The following NAB1 variants were observed in gnomAD, a reference collection of about 807,000 sequenced individuals.
NAB1 encodes the protein NGFI-A binding protein 1.
NAB1 carries 25 observed loss-of-function variants against 49.9 expected under a neutral mutation model. The ratio of observed to expected loss-of-function variants is 0.50; its 90% CI spans 0.37 to 0.70. NAB1 has a LOEUF of 0.70. Ranked by LOEUF, NAB1 falls within the 30% of genes least tolerant of loss-of-function variation. The pLI is 0.00. For missense variants in NAB1, 489 were observed against 575.9 expected, an observed-to-expected ratio of 0.85 and a Z score of 1.54; for synonymous variants, 198 against 215.6, an observed-to-expected ratio of 0.92 and a Z score of 0.71.
rs376522513 is a variant in NAB1 at position 190,685,607 on chromosome 2, C to T, written c.1227C>T (p.Asn409=). Residue 409 remains asparagine, a synonymous_variant, in exon 8 of 10, where the codon AAC becomes AAT. Coordinates refer to ENST00000337386, the MANE Select transcript of NAB1 (RefSeq NM_005966.4). The surrounding 1 kb of genome is among the most constrained non-coding windows in gnomAD (Gnocchi z 4.5). ...YRQSSEEHSP[N]GLTSDNSDGQ... ...AGAGCTCAGAAGAGCACAGTCCTAA[C>T]GGCTTGACTTCCGATAACTCAGATG... is the stretch of plus-strand genomic sequence containing the variant. The T allele has an allele frequency of 6.6e-5, 106 of 1,611,144 alleles. No individual in the cohort carries two copies. Among genetic ancestry groups the T allele is most frequent in the South Asian group, 5.9e-4 (53 of 90,470 alleles).
Position 190,689,400 on chromosome 2 carries a change from G to A in NAB1, c.1376-845G>A, listed in dbSNP as rs1415673192. Among the ~76,000 whole-genome samples, 3 of 152,052 alleles carry A rather than the reference G, an allele frequency of 2.0e-5. No homozygotes were observed. The highest frequency in any genetic ancestry group is 4.4e-5 in the Non-Finnish European group (3 of 68,012). On this transcript the variant is annotated intron_variant, in intron 9 of 9. Coordinates refer to ENST00000337386, the MANE Select transcript of NAB1 (RefSeq NM_005966.4). The surrounding 1 kb of genome is among the most constrained non-coding windows in gnomAD (Gnocchi z 4.3). ...AGCTACTTTTTTTTACTACTCTTAC[G>A]CGGAACTTAAAATCCCCTTCTGTTT...
At chr2:190,655,915 G>A (rs960319394) in intron 2 of NAB1, 62 bp from the exon 3 acceptor site, 2 of 152,216 alleles carry the variant, frequency 1.3e-5, no homozygotes, top group African/African-American at 2.4e-5. Flanking sequence ...ACAACAAATG[G>A]TCTTAAATTA....
Position 190,666,200 on chromosome 2 carries a change from G to A in NAB1, c.820-4126G>A, listed in dbSNP as rs1694508585. Among the ~76,000 whole-genome samples the A allele has an allele frequency of 6.6e-6, 1 of 152,070 alleles. No homozygotes were observed. Among genetic ancestry groups the A allele is most frequent in the South Asian group, 2.1e-4 (1 of 4,822 alleles). ...ACCTAGCCCTCCCAGTGCTGGAAAT[G>A]AAAGTCCTGATTGCCTTTTGAGCCT... is the stretch of plus-strand genomic sequence containing the variant. On this transcript the variant is annotated intron_variant, in intron 4 of 9. Coordinates refer to ENST00000337386, the MANE Select transcript of NAB1 (RefSeq NM_005966.4). The surrounding 1 kb of genome is among the most constrained non-coding windows in gnomAD (Gnocchi z 5.6).
In NAB1 at chr2:190,666,952, T is replaced by C. The variant is rs1328435334; in HGVS notation, c.820-3374T>C. ...TATTTTCATTTTTCTTTTGTAATTA[T>C]ATCATGATAGTTATTGATGTGTTCA... On this transcript the variant is annotated intron_variant, in intron 4 of 9. Coordinates refer to ENST00000337386, the MANE Select transcript of NAB1 (RefSeq NM_005966.4). The surrounding 1 kb of genome is among the most constrained non-coding windows in gnomAD (Gnocchi z 5.6). Among the ~76,000 whole-genome samples the C allele has an allele frequency of 6.6e-6, 1 of 152,202 alleles. No homozygotes were observed. Among genetic ancestry groups the C allele is most frequent in the Non-Finnish European group, 1.5e-5 (1 of 68,022 alleles).
chr2:190,683,939 G>T, intron 7 of NAB1, 112 bp downstream of exon 7: 1 of 834,308 alleles, frequency 1.2e-6, no homozygotes. Context: ...TTTTATTTCC[G>T]TTTGTTTTTT....
At chr2:190,688,232 TGTA>T (rs1194494875) in intron 9 of NAB1, among the ~76,000 whole-genome samples, 2 of 152,174 alleles carry the variant, frequency 1.3e-5, no homozygotes, top group African/African-American at 4.8e-5. Flanking sequence ...CAGCGGGAAA[TGTA>T]GTTTTACAAG....
At chr2:190,690,155 T>G in intron 9 of NAB1, 90 bp from the exon 10 acceptor site, 2 of 912,710 alleles carry the variant, frequency 2.2e-6, no homozygotes, top group Admixed American at 1.9e-5. Context: ...CTATTTGATA[T>G]GGAGTTTGGG....
intron 5 of NAB1, 151 bp from the exon 6 acceptor site, chr2:190,672,950 A>C: frequency 1.5e-6 from 1 of 686,916 alleles, no homozygotes. Flanking sequence ...TCTTTTCTTC[A>C]TTATTTTAAT....
chr2:190,672,367 G>C (rs1694855300), intron 5 of NAB1, among the ~76,000 whole-genome samples: 1 of 152,078 alleles, frequency 6.6e-6, no homozygotes, highest in African/African-American at 2.4e-5. Context: ...ACTTGTAGTT[G>C]ATGGCTTGTC....
At position 190,678,447 on chromosome 2, in the gene NAB1, T is replaced by A. The variant is rs1695176448; in HGVS notation, c.1006-5291T>A. Among the ~76,000 whole-genome samples the A allele has an allele frequency of 6.6e-6, 1 of 152,214 alleles. No homozygotes were observed. The highest frequency in any genetic ancestry group is 2.1e-4 in the South Asian group (1 of 4,832). On this transcript the variant is annotated intron_variant, in intron 6 of 9. Transcript: ENST00000337386. This position sits in a 1 kb window ranked among gnomAD's most constrained non-coding sequence, Gnocchi z 4.9. ...GACCTGGTGATGGCAGCTGACTAACTGGACTGAGTGCTATTTCTCATTTGA... is the reference window on the plus strand; with the variant it reads ...GACCTGGTGATGGCAGCTGACTAACAGGACTGAGTGCTATTTCTCATTTGA...
intron 6 of NAB1, among the ~76,000 whole-genome samples, chr2:190,683,425 C>T (rs764361577): frequency 8.7e-5 from 13 of 149,108 alleles, no homozygotes; most frequent in Non-Finnish European, 1.8e-4. Flanking sequence ...GGATTACAGG[C>T]GTGAGCCACT....
rs920581951 is a variant in NAB1 at position 190,686,681 on chromosome 2, G to A, written c.1259-520G>A. Among the ~76,000 whole-genome samples the A allele has an allele frequency of 1.2e-4, 19 of 152,156 alleles. No individual in the cohort carries two copies. The highest frequency in any genetic ancestry group is 4.3e-4 in the African/African-American group (18 of 41,436). On this transcript the variant is annotated intron_variant, in intron 8 of 9. Coordinates refer to ENST00000337386, the MANE Select transcript of NAB1 (RefSeq NM_005966.4). This position sits in a 1 kb window ranked among gnomAD's most constrained non-coding sequence, Gnocchi z 5.5. ...TTGTGACACCAGGATAATTCAGTGTGGGGTGACAATTTGCTAATGTGATGG... is the reference window on the plus strand; with the variant it reads ...TTGTGACACCAGGATAATTCAGTGTAGGGTGACAATTTGCTAATGTGATGG...
At position 190,685,642 on chromosome 2, in the gene NAB1, C is replaced by G; in HGVS notation, c.1258+4C>G. On this transcript the variant is annotated splice_donor_region_variant and intron_variant, in intron 8 of 9. Coordinates refer to ENST00000337386, the MANE Select transcript of NAB1 (RefSeq NM_005966.4). The surrounding 1 kb of genome is among the most constrained non-coding windows in gnomAD (Gnocchi z 4.5). ...TCCGATAACTCAGATGGACAAGGTA[C>G]ATCTTTAGAATATCCTATGCCTTTA... 6.3e-7 allele frequency: 1 copy of G among 1,598,876 alleles called. No individual in the cohort carries two copies. Among genetic ancestry groups the G allele is most frequent in the Non-Finnish European group, 8.5e-7 (1 of 1,173,062 alleles).
intron 6 of NAB1, among the ~76,000 whole-genome samples, chr2:190,683,435 T>C (rs557222026): frequency 6.6e-6 from 1 of 150,478 alleles, no homozygotes; most frequent in East Asian, 2.0e-4. Flanking sequence ...CGTGAGCCAC[T>C]GCACCCAGCC....
In NAB1 at chr2:190,684,554, T is replaced by C. The variant is rs1238784257; in HGVS notation, c.1095+727T>C. The stretch of plus-strand genomic sequence containing the variant: ...GAAGTTGTAGTTACTTTTGATTTGG[T>C]TTATATGCACTCAGAAAAATAGTGT... On this transcript the variant is annotated intron_variant, in intron 7 of 9. Transcript: ENST00000337386. The surrounding 1 kb of genome is among the most constrained non-coding windows in gnomAD (Gnocchi z 4.6). Among the ~76,000 whole-genome samples, 1 of 152,210 alleles carries C rather than the reference T, an allele frequency of 6.6e-6. No homozygotes were observed. The highest frequency in any genetic ancestry group is 1.9e-4 in the East Asian group (1 of 5,206).
rs531975289 is a variant in NAB1, at chr2:190,676,531, C to A, written c.1005+3379C>A. On this transcript the variant is annotated intron_variant, in intron 6 of 9. Coordinates refer to ENST00000337386, the MANE Select transcript of NAB1 (RefSeq NM_005966.4). This position sits in a 1 kb window ranked among gnomAD's most constrained non-coding sequence, Gnocchi z 4.6. The stretch of plus-strand genomic sequence containing the variant: ...ATTGCTTGAGTCCAGGAGTTTGAGA[C>A]CAGCCTGGGCAACATGGCAAAACCC... 2.0e-5 allele frequency among the ~76,000 whole-genome samples: 3 copies of A among 152,208 alleles called. No homozygotes were observed. The South Asian group carries it at 6.2e-4, about 32-fold the overall frequency.
intron 6 of NAB1, among the ~76,000 whole-genome samples, chr2:190,673,906 G>A (rs1309356564): frequency 1.3e-5 from 2 of 152,170 alleles, no homozygotes; most frequent in African/African-American, 2.4e-5. Flanking sequence ...TTGCAGCAGA[G>A]TGGAAATCTG....
chr2:190,681,104 G>A (rs1243085202), intron 6 of NAB1, among the ~76,000 whole-genome samples: 2 of 152,168 alleles, frequency 1.3e-5, no homozygotes, highest in African/African-American at 4.8e-5. Flanking sequence ...TATAATTTCT[G>A]TTTATAGAAA....
In NAB1 at chr2:190,657,071, T is replaced by C. The variant is rs1281333901; in HGVS notation, c.-20+918T>C. 6.6e-6 allele frequency among the ~76,000 whole-genome samples: 1 copy of C among 152,172 alleles called. No individual in the cohort carries two copies. The highest frequency in any genetic ancestry group is 1.9e-4 in the East Asian group (1 of 5,196). On this transcript the variant is annotated intron_variant, in intron 3 of 9. Coordinates refer to ENST00000337386, the MANE Select transcript of NAB1 (RefSeq NM_005966.4). This position sits in a 1 kb window ranked among gnomAD's most constrained non-coding sequence, Gnocchi z 4.4. ...TTTTTTCTGTATTGCGTTGAAAGCC[T>C]ATGGAGGAATTGCACGAGGTGTATG...
Sources: allele counts gnomAD v4.1 joint callset (sites outside exome capture counted in the v4.1 genomes callset), GRCh38; gene constraint gnomAD v4.1.1; non-coding constraint Gnocchi (gnomAD v3.1); transcripts MANE v1.5; gene names NCBI Gene and HGNC (gene_info 2026-07-23, HGNC 2026-07-21).